The following ATP10B variants were observed in gnomAD, a reference collection of about 807,000 sequenced individuals.
ATP10B encodes the protein phospholipid-transporting ATPase VB.
ATP10B carries 122 observed loss-of-function variants against 141.2 expected under a neutral mutation model. The observed-to-expected ratio is 0.86, with a 90% CI of 0.75 to 1.00. The LOEUF (loss-of-function observed/expected upper bound fraction) is 1.00. Ranked by LOEUF, ATP10B falls within the 50% of genes least tolerant of loss-of-function variation. The pLI is 0.00. For missense variants in ATP10B, 1,876 were observed against 1,825.3 expected, an observed-to-expected ratio of 1.03 and a Z score of -0.51; for synonymous variants, 685 against 692.0, an observed-to-expected ratio of 0.99 and a Z score of 0.16.
chr5:160,575,244 T>A (rs2127597216), intron 24 of ATP10B, among the ~76,000 whole-genome samples: 1 of 152,304 alleles, frequency 6.6e-6, no homozygotes. Context: ...TGTTAATTGA[T>A]CCAATAATGT....
intron 1 of ATP10B, among the ~76,000 whole-genome samples, chr5:160,790,760 G>A (rs968762660): frequency 6.6e-6 from 1 of 152,148 alleles, no homozygotes; most frequent in Admixed American, 6.6e-5. Context: ...CTAATCCCCA[G>A]ACCTGGGGAA....
In ATP10B at chr5:160,634,342, G is replaced by T; in HGVS notation, c.1381+12C>A. 6.2e-7 allele frequency: 1 copy of T among 1,614,132 alleles called. No homozygotes were observed. The highest frequency in any genetic ancestry group is 8.5e-7 in the Non-Finnish European group (1 of 1,180,020). Reference sequence around the variant, plus strand: ...TTAGAAAGAGGGATGGAGCCCTTGGGAGCTTCTATACCATTTTCTTGGTGA... The same window carrying T: ...TTAGAAAGAGGGATGGAGCCCTTGGTAGCTTCTATACCATTTTCTTGGTGA... On this transcript the variant is annotated intron_variant, in intron 12 of 25. Transcript: ENST00000327245.
At chr5:160,860,673 A>G in the ATP10B span, among the ~76,000 whole-genome samples, 1 of 152,136 alleles carries the variant, frequency 6.6e-6, no homozygotes, top group South Asian at 2.1e-4. Context: ...GTCCTTTGTC[A>G]TAAAGTATTT....
At chr5:160,741,603 A>T (rs937098203) in intron 2 of ATP10B, among the ~76,000 whole-genome samples, 6 of 152,210 alleles carry the variant, frequency 3.9e-5, no homozygotes, top group African/African-American at 1.2e-4. Context: ...TGAGAAAATC[A>T]TTTATTAGGT....
chr5:160,690,715 G>A (rs1365221045), intron 3 of ATP10B, among the ~76,000 whole-genome samples: 2 of 152,204 alleles, frequency 1.3e-5, no homozygotes, highest in Admixed American at 1.3e-4. Context: ...AACAGATACT[G>A]GAGAGGATAT....
chr5:160,574,390 G>A (rs1010444657), intron 24 of ATP10B, among the ~76,000 whole-genome samples: 32 of 152,124 alleles, frequency 2.1e-4, no homozygotes, highest in Admixed American at 1.4e-3. Context: ...CCCAGATTGC[G>A]CCACTGCACT....
chr5:160,928,560 A>T, the ATP10B span, among the ~76,000 whole-genome samples: 1 of 152,110 alleles, frequency 6.6e-6, no homozygotes, highest in Non-Finnish European at 1.5e-5. Context: ...AACTTCTCGG[A>T]GTCTCACCAT....
intron 1 of ATP10B, among the ~76,000 whole-genome samples, chr5:160,804,251 C>T (rs529104603): frequency 6.6e-6 from 1 of 152,258 alleles, no homozygotes; most frequent in African/African-American, 2.4e-5. Flanking sequence ...TTGTAGTATG[C>T]ACTTCTCCTT....
chr5:160,874,354 A>G, the ATP10B span, among the ~76,000 whole-genome samples: 2 of 152,182 alleles, frequency 1.3e-5, no homozygotes, highest in Non-Finnish European at 2.9e-5. Flanking sequence ...TAACAAACAG[A>G]AAGGACATCC....
intron 1 of ATP10B, among the ~76,000 whole-genome samples, chr5:160,837,515 G>A (rs1775524177): frequency 6.6e-6 from 1 of 152,068 alleles, no homozygotes; most frequent in Admixed American, 6.6e-5. Context: ...ACTCAGCAGA[G>A]CTTCTAAAAT....
the ATP10B span, among the ~76,000 whole-genome samples, chr5:160,865,644 A>G: frequency 6.6e-6 from 1 of 152,198 alleles, no homozygotes; most frequent in African/African-American, 2.4e-5. Context: ...GAGAACCCAT[A>G]GAGTGGGAGA....
chr5:160,873,099 A>G, the ATP10B span, among the ~76,000 whole-genome samples: 1 of 134,890 alleles, frequency 7.4e-6, no homozygotes, highest in Non-Finnish European at 1.6e-5. Context: ...CTCTTTGGTT[A>G]GGTATATTCC....
intron 6 of ATP10B, chr5:160,684,949 A>C (rs2127743287): frequency 1.4e-6 from 1 of 703,372 alleles, no homozygotes; most frequent in East Asian, 2.7e-5. Flanking sequence ...GATTGGTATC[A>C]TGCTCACCTC....
intron 24 of ATP10B, among the ~76,000 whole-genome samples, chr5:160,571,805 C>T (rs1044688449): frequency 2.6e-5 from 4 of 152,140 alleles, no homozygotes; most frequent in Non-Finnish European, 5.9e-5. Context: ...TACATATGTA[C>T]CTGAGGCCAG....
At chr5:160,832,355 A>G (rs765030866) in intron 1 of ATP10B, among the ~76,000 whole-genome samples, 1 of 152,184 alleles carries the variant, frequency 6.6e-6, no homozygotes, top group Non-Finnish European at 1.5e-5. Context: ...CTCAACCAAT[A>G]TAACAAAATA....
the ATP10B span, among the ~76,000 whole-genome samples, chr5:160,897,548 A>G: frequency 6.6e-6 from 1 of 152,236 alleles, no homozygotes; most frequent in African/African-American, 2.4e-5. Context: ...GAGGACACAA[A>G]CAAGTGGAAA....
chr5:160,762,805 T>C (rs12658943), intron 2 of ATP10B, among the ~76,000 whole-genome samples: 11,187 of 152,254 alleles, frequency 0.073, 398 homozygotes, highest in Middle Eastern at 0.099. Flanking sequence ...AAATATCTGC[T>C]GTCTTCAAGA....
At chr5:160,585,328 G>C (rs1245155902) in intron 24 of ATP10B, among the ~76,000 whole-genome samples, 5 of 152,194 alleles carry the variant, frequency 3.3e-5, no homozygotes, top group Admixed American at 2.0e-4. Context: ...GTGGTTTCTA[G>C]TATCAAACAG....
intron 2 of ATP10B, among the ~76,000 whole-genome samples, chr5:160,746,204 C>A (rs1264797095): frequency 6.6e-6 from 1 of 152,192 alleles, no homozygotes; most frequent in Non-Finnish European, 1.5e-5. Context: ...TCTCTCACAT[C>A]CCTGCATACA....
Sources: gnomAD v4.1 joint callset for allele counts (sites outside exome capture counted in the v4.1 genomes callset) on GRCh38, gnomAD v4.1.1 for gene constraint, MANE v1.5 for transcripts, NCBI Gene and HGNC (gene_info 2026-07-23, HGNC 2026-07-21) for gene names.